Variants in CADM2 observed in about 807,000 individuals in gnomAD.
The protein encoded by CADM2 is cell adhesion molecule 2.
In CADM2, 12 loss-of-function variants were observed where a neutral mutation model predicts 49.8. The ratio of observed to expected loss-of-function variants is 0.24; its 90% confidence interval spans 0.15 to 0.39. The LOEUF is 0.39. Among genes scored for constraint, CADM2 ranks in the 10% least tolerant of loss-of-function variants. The probability of loss-of-function intolerance (pLI) is 1.00; values close to 1 mark genes in which losing one functional copy is unlikely to be tolerated. For synonymous variants in CADM2, 214 were observed against 175.4 expected (o/e 1.22, Z -1.74); for missense variants, 378 against 492.3 (o/e 0.77, Z 2.20).
Position 86,013,473 on chromosome 3 carries a change from G to A in CADM2, c.970+51826G>A. On this transcript the variant is annotated intron_variant, in intron 8 of 9. Transcript: ENST00000383699. ...ACTGCTGGAGTGCCAGATAAATTCT[G>A]GTGAAGAGGTTCTGAGAAAGCGCTT... 2.5e-6 allele frequency: 4 copies of A among 1,597,828 alleles called. No individual in the cohort carries two copies. The South Asian group carries it at 4.4e-5, about 18-fold the overall frequency.
intron 1 of CADM2, among the ~76,000 whole-genome samples, chr3:85,599,603 G>A (rs983642655): frequency 1.3e-5 from 2 of 151,602 alleles, no homozygotes; most frequent in Non-Finnish European, 2.9e-5. Flanking sequence ...AGCTTGTGAG[G>A]CATTCTTACC....
Position 85,898,937 on chromosome 3 carries a change from G to GTGTATATATATATATATATATATA in CADM2, c.529+12611_529+12612insGTATATATATATATATATATATAT, listed in dbSNP as rs796467067. On this transcript the variant is annotated intron_variant, in intron 5 of 9. Coordinates refer to ENST00000383699, the MANE Select transcript of CADM2 (RefSeq NM_001167675.2). Reference sequence around the variant, plus strand: ...TCATAAAATCCAATTCATTTATTGTGTATATATATATATATATATTTTTTT... The same window carrying GTGTATATATATATATATATATATA: ...TCATAAAATCCAATTCATTTATTGTGTGTATATATATATATATATATATATATATATATATATATATATTTTTTT... Among the ~76,000 whole-genome samples the GTGTATATATATATATATATATATA allele has an allele frequency of 1.2e-3, 54 of 46,694 alleles. 2 individuals are homozygous for GTGTATATATATATATATATATATA. Among genetic ancestry groups the GTGTATATATATATATATATATATA allele is most frequent in the South Asian group, 9.0e-3 (10 of 1,114 alleles). The allele number at this position is 46,694 out of a possible 152,430, so 30.6% of individuals were successfully genotyped here. A position where few individuals can be genotyped will look rare whatever the true frequency, so the allele number is the denominator to read the frequency against.
chr3:84,998,325 A>G (rs1171338486), intron 1 of CADM2, among the ~76,000 whole-genome samples: 1 of 152,132 alleles, frequency 6.6e-6, no homozygotes, highest in Admixed American at 6.6e-5. Flanking sequence ...TAAATTCACA[A>G]AAGGTTTTCC....
chr3:85,108,651 G>C (rs185285790), intron 1 of CADM2, among the ~76,000 whole-genome samples: 1 of 151,720 alleles, frequency 6.6e-6, no homozygotes, highest in African/African-American at 2.4e-5. Context: ...CCTAAAAATG[G>C]TTAAAACAGT....
rs1481555340 is a variant in CADM2 at position 86,018,381 on chromosome 3, G to A, written c.971-47224G>A. Among the ~76,000 whole-genome samples, 8 of 149,738 alleles carry A rather than the reference G, an allele frequency of 5.3e-5. No homozygotes were observed. In the East Asian group the frequency reaches 1.6e-3, roughly 29 times the overall value. On this transcript the variant is annotated intron_variant, in intron 8 of 9. Transcript: ENST00000383699. ...ATAGCAGCATGATTTATAATCCTTT[G>A]GGTATATACCCAGTAATGGGATGGC...
At chr3:85,861,470 A>G (rs979675808) in intron 3 of CADM2, among the ~76,000 whole-genome samples, 25 of 152,146 alleles carry the variant, frequency 1.6e-4, no homozygotes, top group Admixed American at 1.6e-3. Flanking sequence ...GAGAAATTCA[A>G]GAAGGAAAAT....
At chr3:85,639,606 A>T (rs1300472581) in intron 1 of CADM2, among the ~76,000 whole-genome samples, 1 of 152,158 alleles carries the variant, frequency 6.6e-6, no homozygotes. Flanking sequence ...ATATGTGTAT[A>T]ACTTGCCTTT....
chr3:85,346,560 A>C (rs964671961), intron 1 of CADM2, among the ~76,000 whole-genome samples: 5 of 152,168 alleles, frequency 3.3e-5, no homozygotes, highest in Non-Finnish European at 1.5e-5. Context: ...CTTTTGAATA[A>C]AAATATTATT....
intron 1 of CADM2, among the ~76,000 whole-genome samples, chr3:85,650,220 G>C (rs1399230447): frequency 6.6e-6 from 1 of 152,150 alleles, no homozygotes; most frequent in Non-Finnish European, 1.5e-5. Flanking sequence ...ATTTCCTCCT[G>C]AAGTTGAGAT....
rs1044850938 is a variant in CADM2, at chr3:84,959,600, A to G, written c.-8A>G. 4 of 1,536,716 alleles carry G rather than the reference A, an allele frequency of 2.6e-6. No individual in the cohort carries two copies. The African/African-American group carries it at 5.5e-5, about 21-fold the overall frequency. On this transcript the variant is annotated 5_prime_UTR_variant, in exon 1 of 10. Transcript: ENST00000383699. ...TCGTTCCTTCCCCAGCCCTTTAGAGAAGGGACCATGATTTGGAAACGCAGC... is the reference window on the plus strand; with the variant it reads ...TCGTTCCTTCCCCAGCCCTTTAGAGGAGGGACCATGATTTGGAAACGCAGC...
intron 8 of CADM2, among the ~76,000 whole-genome samples, chr3:86,001,920 AG>A (rs1393682086): frequency 6.6e-6 from 1 of 152,140 alleles, no homozygotes; most frequent in Non-Finnish European, 1.5e-5. Context: ...GGAATTTCCC[AG>A]GGTCATTATG....
intron 2 of CADM2, among the ~76,000 whole-genome samples, chr3:85,769,185 T>C (rs1415861193): frequency 1.2e-5 from 1 of 81,938 alleles, no homozygotes; most frequent in Admixed American, 1.9e-4. Context: ...CATATATACA[T>C]ATATAGTATA....
At chr3:85,940,210 G>T (rs1210146063) in intron 7 of CADM2, among the ~76,000 whole-genome samples, 1 of 150,408 alleles carries the variant, frequency 6.6e-6, no homozygotes, top group African/African-American at 2.4e-5. Context: ...GTGGTGGTGG[G>T]CGCCTGTAAT....
chr3:85,350,473 C>T (rs576763078), intron 1 of CADM2, among the ~76,000 whole-genome samples: 2 of 152,198 alleles, frequency 1.3e-5, no homozygotes, highest in South Asian at 4.1e-4. Context: ...ATCCTTCTAC[C>T]ATGTACTTTT....
chr3:85,899,496 C>A (rs1307803351), intron 5 of CADM2, among the ~76,000 whole-genome samples: 1 of 152,022 alleles, frequency 6.6e-6, no homozygotes, highest in African/African-American at 2.4e-5. Context: ...TTGTAGACAG[C>A]ATTTTCGTGC....
chr3:85,412,513 A>T (rs1196497869), intron 1 of CADM2, among the ~76,000 whole-genome samples: 1 of 146,044 alleles, frequency 6.8e-6, no homozygotes. Context: ...AAACTAAGGT[A>T]TCCTAGGTCC....
chr3:85,641,718 A>G (rs1287957960), intron 1 of CADM2, among the ~76,000 whole-genome samples: 1 of 151,704 alleles, frequency 6.6e-6, no homozygotes, highest in African/African-American at 2.4e-5. Context: ...CGAGGTCAGG[A>G]GATCGAGACC....
At chr3:86,013,307 C>T (rs6771277) in intron 8 of CADM2, 246,141 of 1,530,400 alleles carry the variant, frequency 0.16, 20,960 homozygotes, top group South Asian at 0.22. Flanking sequence ...TACCTCTATC[C>T]CTTGAAGAGA....
At chr3:86,026,830 T>G (rs1264400771) in intron 8 of CADM2, among the ~76,000 whole-genome samples, 2 of 152,204 alleles carry the variant, frequency 1.3e-5, no homozygotes, top group Admixed American at 1.3e-4. Flanking sequence ...AAATACTGAA[T>G]ACTTCATGAA....
Sources: allele counts gnomAD v4.1 joint callset (sites outside exome capture counted in the v4.1 genomes callset), GRCh38; gene constraint gnomAD v4.1.1; transcripts MANE v1.5; gene names NCBI Gene and HGNC (gene_info 2026-07-23, HGNC 2026-07-21).